PTPRD: variants seen among roughly 807,000 people sequenced by gnomAD.
PTPRD encodes protein tyrosine phosphatase receptor type D.
In PTPRD, 34 loss-of-function variants were observed where a neutral mutation model predicts 214.5. That is an observed-to-expected ratio of 0.16 (90% confidence interval 0.12 to 0.21). The LOEUF is 0.21. PTPRD is among the 10% of genes least tolerant of loss of function. The pLI is 1.00. For synonymous variants in PTPRD, 1,128 were observed against 845.7 expected (o/e 1.33, Z -5.79); for missense variants, 2,545 against 2,398.7 (o/e 1.06, Z -1.27).
At chr9:9,754,267 A>G (rs1371545715) in intron 6 of PTPRD, among the ~76,000 whole-genome samples, 1 of 152,066 alleles carries the variant, frequency 6.6e-6, no homozygotes, top group Non-Finnish European at 1.5e-5. Flanking sequence ...AATCTTCCAG[A>G]GGGTACAAAT....
At chr9:9,449,920 T>A (rs1389076166) in intron 8 of PTPRD, among the ~76,000 whole-genome samples, 1 of 151,936 alleles carries the variant, frequency 6.6e-6, no homozygotes, top group Non-Finnish European at 1.5e-5. Context: ...AAGTCCGTCA[T>A]ATCATTCTTA....
chr9:9,388,908 A>C (rs1396632163), intron 9 of PTPRD, among the ~76,000 whole-genome samples: 1 of 152,160 alleles, frequency 6.6e-6, no homozygotes, highest in African/African-American at 2.4e-5. Flanking sequence ...AATCTTTCAC[A>C]GTGGGCATTT....
chr9:9,757,338 G>C (rs1017980143), intron 6 of PTPRD, among the ~76,000 whole-genome samples: 1 of 152,154 alleles, frequency 6.6e-6, no homozygotes, highest in Non-Finnish European at 1.5e-5. Flanking sequence ...AAGATGTAAG[G>C]AAGTATACAT....
At chr9:9,377,465 T>C (rs909809786) in intron 9 of PTPRD, among the ~76,000 whole-genome samples, 3 of 152,178 alleles carry the variant, frequency 2.0e-5, no homozygotes, top group African/African-American at 7.2e-5. Flanking sequence ...GAACTTAGTA[T>C]GTGCTAAGTC....
intron 14 of PTPRD, among the ~76,000 whole-genome samples, chr9:8,578,843 TAA>T (rs1297986836): frequency 1.3e-5 from 2 of 152,240 alleles, no homozygotes; most frequent in Admixed American, 1.3e-4. Flanking sequence ...GTACAGGAGT[TAA>T]ACTTCAAATT....
chr9:8,931,294 G>A (rs1187432113), intron 11 of PTPRD, among the ~76,000 whole-genome samples: 2 of 151,808 alleles, frequency 1.3e-5, no homozygotes, highest in Non-Finnish European at 2.9e-5. Context: ...TTATTTTTGA[G>A]GGCTCTGTTC....
chr9:9,208,020 C>CATTTTTTT (rs1554981097), intron 9 of PTPRD, among the ~76,000 whole-genome samples: 10 of 53,260 alleles, frequency 1.9e-4, no homozygotes, highest in African/African-American at 5.4e-4. Flanking sequence ...TATATATCTG[C>CATTTTTTT]TTTTTTTTTT....
intron 11 of PTPRD, among the ~76,000 whole-genome samples, chr9:8,870,714 A>ACACG (rs1555457926): frequency 6.0e-5 from 9 of 150,094 alleles, no homozygotes; most frequent in South Asian, 4.3e-4. Context: ...ACACACACAC[A>ACACG]CACACACACA....
intron 11 of PTPRD, among the ~76,000 whole-genome samples, chr9:8,839,340 ATT>A (rs869248916): frequency 9.7e-5 from 13 of 133,484 alleles, no homozygotes; most frequent in African/African-American, 3.4e-4. Context: ...TTATTTATTT[ATT>A]TGAGATGGAG....
chr9:10,320,071 T>C (rs369000830), intron 3 of PTPRD, among the ~76,000 whole-genome samples: 28 of 152,044 alleles, frequency 1.8e-4, no homozygotes, highest in African/African-American at 5.3e-4. Flanking sequence ...AATTCTAAAA[T>C]CTTTACATGT....
chr9:10,426,027 C>T (rs2098610690), intron 2 of PTPRD, among the ~76,000 whole-genome samples: 1 of 151,584 alleles, frequency 6.6e-6, no homozygotes, highest in African/African-American at 2.4e-5. Flanking sequence ...TTATAAATAC[C>T]ACTCTATAAA....
chr9:9,934,403 G>A (rs200086856), intron 5 of PTPRD, among the ~76,000 whole-genome samples: 41,693 of 119,712 alleles, frequency 0.35, 9,405 homozygotes, highest in African/African-American at 0.58. Flanking sequence ...TATCGCCACC[G>A]ATCCCACAGA....
chr9:9,634,836 G>A (rs758897254), intron 7 of PTPRD, among the ~76,000 whole-genome samples: 64 of 152,162 alleles, frequency 4.2e-4, no homozygotes, highest in Non-Finnish European at 7.4e-4. Flanking sequence ...AATTCCCACA[G>A]AGCAGGGATT....
intron 11 of PTPRD, among the ~76,000 whole-genome samples, chr9:8,857,952 G>A (rs1217921570): frequency 2.1e-5 from 1 of 47,196 alleles, no homozygotes; most frequent in Non-Finnish European, 4.0e-5. Flanking sequence ...CTCCTCCTCC[G>A]CCTCCTCCTC....
chr9:8,980,054 A>C (rs1477666982), intron 11 of PTPRD, among the ~76,000 whole-genome samples: 1 of 152,164 alleles, frequency 6.6e-6, no homozygotes, highest in Non-Finnish European at 1.5e-5. Context: ...GCCTCAAAAA[A>C]AGAAGGAAAT....
intron 2 of PTPRD, among the ~76,000 whole-genome samples, chr9:10,448,897 A>T (rs1023370932): frequency 3.3e-5 from 5 of 152,062 alleles, no homozygotes; most frequent in Non-Finnish European, 7.4e-5. Context: ...ATGCTTTTTC[A>T]AATTTAGAGT....
Position 8,389,158 on chromosome 9 carries a change from A to G in PTPRD, c.4386+74T>C, listed in dbSNP as rs1328480027. The G allele has an allele frequency of 1.1e-5, 15 of 1,332,084 alleles. No homozygotes were observed. In the East Asian group the frequency reaches 3.1e-4, roughly 27 times the overall value. The allele number at this position is 1,332,084 out of a possible 1,614,324, so 82.5% of individuals were successfully genotyped here. ...GCCTTAGGGAAAGGTTAGATTCTGAACAGAATAAAATATGCAACATAGGGA... is the reference window on the plus strand; with the variant it reads ...GCCTTAGGGAAAGGTTAGATTCTGAGCAGAATAAAATATGCAACATAGGGA... On this transcript the variant is annotated intron_variant, in intron 37 of 45. Transcript: ENST00000381196.
chr9:8,796,942 T>A (rs1422212787), intron 11 of PTPRD, among the ~76,000 whole-genome samples: 2 of 152,174 alleles, frequency 1.3e-5, no homozygotes, highest in African/African-American at 2.4e-5. Context: ...TTTTGTTTTT[T>A]TTCTAGTTTA....
intron 5 of PTPRD, among the ~76,000 whole-genome samples, chr9:9,821,419 C>T (rs1406749354): frequency 6.6e-6 from 1 of 152,138 alleles, no homozygotes; most frequent in Admixed American, 6.6e-5. Context: ...AACTTTTAGC[C>T]TACCTGGACC....
Sources: allele counts gnomAD v4.1 joint callset (sites outside exome capture counted in the v4.1 genomes callset), GRCh38; gene constraint gnomAD v4.1.1; transcripts MANE v1.5; gene names NCBI Gene and HGNC (gene_info 2026-07-23, HGNC 2026-07-21).